Variants in RILPL1 observed in about 807,000 individuals in gnomAD.
RILPL1 encodes the protein Rab interacting lysosomal protein like 1.
A neutral mutation model predicts 50.3 loss-of-function variants in RILPL1; 33 were observed. The ratio of observed to expected loss-of-function variants is 0.66; its 90% CI spans 0.50 to 0.88. RILPL1 has a LOEUF of 0.88. Among genes scored for constraint, RILPL1 ranks in the 40% least tolerant of loss-of-function variants. RILPL1 has a pLI of 0.00. For missense variants in RILPL1, 418 were observed against 542.5 expected, an observed-to-expected ratio of 0.77 and a Z score of 2.28; for synonymous variants, 205 against 228.6, an observed-to-expected ratio of 0.90 and a Z score of 0.93.
chr12:123,486,923 T>A (rs1882379420), intron 4 of RILPL1, among the ~76,000 whole-genome samples: 1 of 151,760 alleles, frequency 6.6e-6, no homozygotes, highest in Non-Finnish European at 1.5e-5. Context: ...CTCAGCCTCC[T>A]GAGTACCTGG....
At chr12:123,514,753 A>T (rs1884594372) in intron 2 of RILPL1, among the ~76,000 whole-genome samples, 1 of 152,032 alleles carries the variant, frequency 6.6e-6, no homozygotes, top group Non-Finnish European at 1.5e-5. Flanking sequence ...ATGATACACT[A>T]CATGCTGCTG....
intron 2 of RILPL1, among the ~76,000 whole-genome samples, chr12:123,514,849 G>A (rs1444480001): frequency 6.6e-6 from 1 of 152,032 alleles, no homozygotes; most frequent in African/African-American, 2.4e-5. Context: ...CTACTGAACT[G>A]TGCACTTTAA....
chr12:123,496,136 C>A (rs908545550), intron 4 of RILPL1, among the ~76,000 whole-genome samples: 3 of 151,990 alleles, frequency 2.0e-5, no homozygotes, highest in Admixed American at 1.3e-4. Context: ...TCCCAGCCCC[C>A]CAAAGTAATT....
At chr12:123,488,559 G>C (rs904329732) in intron 4 of RILPL1, among the ~76,000 whole-genome samples, 1 of 152,216 alleles carries the variant, frequency 6.6e-6, no homozygotes, top group Non-Finnish European at 1.5e-5. Context: ...GATTCCAGAA[G>C]GCAGAGCCGA....
intron 4 of RILPL1, among the ~76,000 whole-genome samples, chr12:123,495,165 C>G (rs1049366470): frequency 6.6e-6 from 1 of 151,754 alleles, no homozygotes; most frequent in Admixed American, 6.6e-5. Flanking sequence ...TTTCTTTTGA[C>G]TGGGGTTGCT....
At chr12:123,494,137 C>T (rs1427455723) in intron 4 of RILPL1, among the ~76,000 whole-genome samples, 1 of 152,202 alleles carries the variant, frequency 6.6e-6, no homozygotes, top group Non-Finnish European at 1.5e-5. Flanking sequence ...ATACTCCTCT[C>T]TCCCAGCTGC....
chr12:123,517,496 A>G (rs1884775942), intron 2 of RILPL1, among the ~76,000 whole-genome samples: 1 of 145,554 alleles, frequency 6.9e-6, no homozygotes, highest in Non-Finnish European at 1.5e-5. Flanking sequence ...ATCTCGGCTC[A>G]CTGCTACCTC....
chr12:123,521,671 A>AT (rs1491153478), intron 2 of RILPL1, among the ~76,000 whole-genome samples: 221 of 7,982 alleles, frequency 0.028, 2 homozygotes, highest in African/African-American at 0.065. Context: ...GTATATATAT[A>AT]AATATATATA....
rs537666381 is a variant in RILPL1 at position 123,495,870 on chromosome 12, G to A, written c.801+2674C>T. 6.0e-5 allele frequency among the ~76,000 whole-genome samples: 9 copies of A among 150,978 alleles called. No homozygotes were observed. In the East Asian group the frequency reaches 9.9e-4, roughly 17 times the overall value. On this transcript the variant is annotated intron_variant, in intron 4 of 6. Transcript: ENST00000376874. ...TAATTTTTTGTATTTTAGTAGAGAC[G>A]GGGTTTCGCCACGTTAGCCAGGCTG...
intron 2 of RILPL1, among the ~76,000 whole-genome samples, chr12:123,512,035 GGTTT>G (rs1212492032): frequency 7.2e-6 from 1 of 138,242 alleles, no homozygotes; most frequent in Non-Finnish European, 1.5e-5. Context: ...TAGTGTGTGA[GGTTT>G]GTGTGTGTGA....
chr12:123,471,454 C>T lies in RILPL1; in HGVS notation c.*1084G>A, dbSNP rs958914684. Reference sequence around the variant, plus strand: ...ACTTGAGTGCTGGTAGGAGGTGCTACCTCGCTCAATCTGTGAGCAACCAGC... The same window carrying T: ...ACTTGAGTGCTGGTAGGAGGTGCTATCTCGCTCAATCTGTGAGCAACCAGC... On this transcript the variant is annotated 3_prime_UTR_variant, in exon 7 of 7. Coordinates refer to ENST00000376874, the MANE Select transcript of RILPL1 (RefSeq NM_178314.5). The T allele has an allele frequency of 2.6e-5, 4 of 152,310 alleles. No individual in the cohort carries two copies. The highest frequency in any genetic ancestry group is 9.6e-5 in the African/African-American group (4 of 41,554). 9.4% of individuals were successfully genotyped at this position (152,310 alleles called of 1,614,324 possible). A position where few individuals can be genotyped will look rare whatever the true frequency, so the allele number is the denominator to read the frequency against.
At chr12:123,501,016 G>A (rs190311737) in intron 2 of RILPL1, among the ~76,000 whole-genome samples, 67 of 152,242 alleles carry the variant, frequency 4.4e-4, no homozygotes, top group Middle Eastern at 6.8e-3. Context: ...GCTGAGGCAG[G>A]AGAATTGCTT....
chr12:123,525,915 C>T (rs1205563587), intron 1 of RILPL1, among the ~76,000 whole-genome samples: 4 of 142,352 alleles, frequency 2.8e-5, no homozygotes, highest in East Asian at 3.9e-4. Context: ...CCTCCACCCC[C>T]GCAAAAAACA....
chr12:123,508,619 C>A (rs1388831814), intron 2 of RILPL1, among the ~76,000 whole-genome samples: 2 of 152,246 alleles, frequency 1.3e-5, no homozygotes, highest in African/African-American at 4.8e-5. Context: ...GGGTGTTGAA[C>A]TATTCTCTAT....
At chr12:123,504,329 C>CG (rs1039149200) in intron 2 of RILPL1, among the ~76,000 whole-genome samples, 8 of 151,946 alleles carry the variant, frequency 5.3e-5, no homozygotes, top group Non-Finnish European at 1.0e-4. Context: ...CTTTCCCCCC[C>CG]GGGTGCGCCA....
At position 123,485,821 on chromosome 12, in the gene RILPL1, A is replaced by T. The variant is rs774190040; in HGVS notation, c.802-16T>A. ...CCGGCTCCGTCTGGAGGAGGCAGAG[A>T]TGCTGCTAATGAATTCTTGGCAGCC... On this transcript the variant is annotated splice_polypyrimidine_tract_variant and intron_variant, in intron 4 of 6. Transcript: ENST00000376874. The surrounding 1 kb of genome is among the most constrained non-coding windows in gnomAD (Gnocchi z 4.0). 6.3e-7 allele frequency: 1 copy of T among 1,586,630 alleles called. No individual in the cohort carries two copies. Among genetic ancestry groups the T allele is most frequent in the Non-Finnish European group, 8.6e-7 (1 of 1,167,862 alleles).
At chr12:123,516,043 A>AAAAAAAATAAAAAT (rs1884674572) in intron 2 of RILPL1, among the ~76,000 whole-genome samples, 2 of 147,844 alleles carry the variant, frequency 1.4e-5, no homozygotes, top group Non-Finnish European at 3.0e-5. Flanking sequence ...CAAAAAAAAA[A>AAAAAAAATAAAAAT]AAAAAAAAAA....
chr12:123,477,113 T>G (rs1881646871), intron 6 of RILPL1, among the ~76,000 whole-genome samples: 1 of 152,188 alleles, frequency 6.6e-6, no homozygotes, highest in Admixed American at 6.5e-5. Flanking sequence ...GGTAAGTAAA[T>G]GCTCATCTGT....
chr12:123,484,179 C>G lies in RILPL1; in HGVS notation c.1067+1G>C. On this transcript the variant is annotated splice_donor_variant, in intron 6 of 6. Transcript: ENST00000376874. LOFTEE classifies it high-confidence loss of function. ...GCAGAAGCTGGCAGCGCATCACTTA[C>G]AGTCGCTTGATGCCCGACTCCGGCT... The G allele has an allele frequency of 6.3e-7, 1 of 1,599,350 alleles. No individual in the cohort carries two copies. The highest frequency in any genetic ancestry group is 2.2e-5 in the East Asian group (1 of 44,804).
Sources: allele counts gnomAD v4.1 joint callset (sites outside exome capture counted in the v4.1 genomes callset), GRCh38; gene constraint gnomAD v4.1.1; non-coding constraint Gnocchi (gnomAD v3.1); transcripts MANE v1.5; gene names NCBI Gene and HGNC (gene_info 2026-07-23, HGNC 2026-07-21).